AMBRA1: variants seen among roughly 807,000 people sequenced by gnomAD.
AMBRA1 encodes the protein autophagy and beclin 1 regulator 1.
In AMBRA1, 47 loss-of-function variants were observed where a neutral mutation model predicts 125.4. The observed-to-expected ratio is 0.37, with a 90% CI of 0.30 to 0.48. The LOEUF (loss-of-function observed/expected upper bound fraction) is 0.48, where lower values mean the gene tolerates loss of function less well. Ranked by LOEUF, AMBRA1 falls within the 20% of genes least tolerant of loss-of-function variation. The pLI, the probability that AMBRA1 is intolerant of heterozygous loss-of-function variation, is 0.99. For missense variants in AMBRA1, 1,331 were observed against 1,693.4 expected (o/e 0.79, Z 3.76); for synonymous variants, 626 against 655.5 (o/e 0.95, Z 0.69).
At chr11:46,567,860 T>C (rs868090316) in intron 1 of AMBRA1, among the ~76,000 whole-genome samples, 1 of 151,934 alleles carries the variant, frequency 6.6e-6, no homozygotes, top group African/African-American at 2.4e-5. Flanking sequence ...TTGAAAAACC[T>C]AGCTGGGGCT....
chr11:46,485,605 C>T (rs977078368), intron 11 of AMBRA1, among the ~76,000 whole-genome samples: 2 of 152,056 alleles, frequency 1.3e-5, no homozygotes, highest in Non-Finnish European at 2.9e-5. Flanking sequence ...TTTGTAATAC[C>T]CAAAGTGTTC....
intron 8 of AMBRA1, 149 bp from the exon 9 acceptor site, chr11:46,508,519 G>T: frequency 1.3e-6 from 1 of 756,054 alleles, no homozygotes; most frequent in Non-Finnish European, 2.1e-6. Flanking sequence ...CAACTCACCA[G>T]GAGGTTTGCA....
chr11:46,507,998 C>T (rs1203797664), intron 9 of AMBRA1, among the ~76,000 whole-genome samples, 193 bp downstream of exon 9: 1 of 152,228 alleles, frequency 6.6e-6, no homozygotes, highest in Non-Finnish European at 1.5e-5. Flanking sequence ...AGTGAATCAG[C>T]AAAGCAACTG....
intron 9 of AMBRA1, among the ~76,000 whole-genome samples, chr11:46,497,229 G>A (rs1321499402): frequency 6.6e-6 from 1 of 152,166 alleles, no homozygotes; most frequent in African/African-American, 2.4e-5. Flanking sequence ...GGAAAAGAGA[G>A]GGTGCAAAAT....
chr11:46,545,087 G>T lies in AMBRA1; in HGVS notation c.551+517C>A, dbSNP rs552861276. Among the ~76,000 whole-genome samples, 17 of 141,140 alleles carry T rather than the reference G, an allele frequency of 1.2e-4. No individual in the cohort carries two copies. In the South Asian group the frequency reaches 2.9e-3, roughly 24 times the overall value. The allele number at this position is 141,140 out of a possible 152,430, so 92.6% of individuals were successfully genotyped here. On this transcript the variant is annotated intron_variant, in intron 5 of 17. Coordinates refer to ENST00000683756, the MANE Select transcript of AMBRA1 (RefSeq NM_001387011.1). ...GGCTGCAGTAACTTGGGCCCATGAGGTCATGACTGCACAACTGTACTCCAG... is the reference window on the plus strand; with the variant it reads ...GGCTGCAGTAACTTGGGCCCATGAGTTCATGACTGCACAACTGTACTCCAG...
chr11:46,570,731 G>C (rs1050832588), intron 1 of AMBRA1, among the ~76,000 whole-genome samples: 2 of 151,848 alleles, frequency 1.3e-5, no homozygotes, highest in Non-Finnish European at 2.9e-5. Context: ...CCCTTTATCA[G>C]GTTTTTCTAT....
chr11:46,522,314 A>C (rs1396010776), intron 7 of AMBRA1, among the ~76,000 whole-genome samples: 2 of 152,238 alleles, frequency 1.3e-5, no homozygotes, highest in African/African-American at 4.8e-5. Context: ...TATAGTTGTA[A>C]GACTTGAATG....
intron 17 of AMBRA1, among the ~76,000 whole-genome samples, chr11:46,401,829 G>C (rs1035295688): frequency 6.6e-6 from 1 of 152,164 alleles, no homozygotes; most frequent in Admixed American, 6.6e-5. Context: ...CTGCTGACTT[G>C]AGCTCTGGTT....
At chr11:46,532,500 G>A (rs745498029) in intron 7 of AMBRA1, among the ~76,000 whole-genome samples, 10 of 152,172 alleles carry the variant, frequency 6.6e-5, no homozygotes, top group African/African-American at 1.2e-4. Flanking sequence ...GCAGTGGTGC[G>A]ATCTCAGCTC....
chr11:46,444,467 C>T (rs576026019), intron 11 of AMBRA1, among the ~76,000 whole-genome samples: 1 of 152,302 alleles, frequency 6.6e-6, no homozygotes, highest in East Asian at 1.9e-4. Context: ...CCTCCTCCTT[C>T]TGAGGTGCAT....
At chr11:46,508,467 G>T in intron 8 of AMBRA1, 97 bp from the exon 9 acceptor site, 2 of 1,259,018 alleles carry the variant, frequency 1.6e-6, no homozygotes, top group Non-Finnish European at 2.2e-6. Context: ...TCTCCCTGCT[G>T]AGGTGAACTC....
At chr11:46,415,251 T>C (rs1379292479) in intron 15 of AMBRA1, among the ~76,000 whole-genome samples, 7 of 152,230 alleles carry the variant, frequency 4.6e-5, no homozygotes, top group Non-Finnish European at 1.5e-5. Context: ...TCAAAAGACA[T>C]GAATGCGCTC....
At position 46,542,833 on chromosome 11, in the gene AMBRA1, A is replaced by G. The variant is rs1386429264; in HGVS notation, c.1184T>C (p.Leu395Ser). The change falls in exon 7 of 18, where the codon TTG becomes TCG. Residue 395 changes from leucine to serine, a missense_variant. Leu to Ser is a moderately radical substitution (Grantham distance 145). Around this residue, in one of 4 missense-constraint regions of AMBRA1, gnomAD observed 689 missense variants for 776.5 expected, o/e 0.89. Coordinates refer to ENST00000683756, the MANE Select transcript of AMBRA1 (RefSeq NM_001387011.1). The surrounding 1 kb of genome is among the most constrained non-coding windows in gnomAD (Gnocchi z 5.9). ...NLSLGPTRRS[L>S]GGPLSSHPSR... is the part of the protein sequence containing the mutation. Reference sequence around the variant, plus strand: ...AGGGTGGCTAGACAGAGGCCCTCCCAAAGAGCGGCGGGTAGGACCCAGACT... The same window carrying G: ...AGGGTGGCTAGACAGAGGCCCTCCCGAAGAGCGGCGGGTAGGACCCAGACT... 3 of 1,614,006 alleles carry G rather than the reference A, an allele frequency of 1.9e-6. No homozygotes were observed. Among genetic ancestry groups the G allele is most frequent in the Non-Finnish European group, 2.5e-6 (3 of 1,180,006 alleles).
intron 8 of AMBRA1, among the ~76,000 whole-genome samples, chr11:46,512,498 G>A (rs371776782): frequency 6.6e-5 from 10 of 152,228 alleles, no homozygotes; most frequent in East Asian, 3.9e-4. Flanking sequence ...CCACACTTGC[G>A]GAAATGAGTC....
intron 11 of AMBRA1, among the ~76,000 whole-genome samples, chr11:46,483,925 G>A (rs887548037): frequency 6.6e-6 from 1 of 152,020 alleles, no homozygotes; most frequent in African/African-American, 2.4e-5. Flanking sequence ...AGGAGGTAGG[G>A]GGTTAGTTAG....
chr11:46,538,086 G>C (rs1201978429), intron 7 of AMBRA1, among the ~76,000 whole-genome samples: 1 of 152,204 alleles, frequency 6.6e-6, no homozygotes, highest in Non-Finnish European at 1.5e-5. Context: ...AGAAGGCAGA[G>C]GAAGAGGCAG....
chr11:46,531,472 G>A (rs1162792415), intron 7 of AMBRA1, among the ~76,000 whole-genome samples: 1 of 152,074 alleles, frequency 6.6e-6, no homozygotes, highest in African/African-American at 2.4e-5. Flanking sequence ...CACTTTGGGA[G>A]GCCAAGGTGG....
At chr11:46,479,253 T>C (rs1343580850) in intron 11 of AMBRA1, among the ~76,000 whole-genome samples, 1 of 151,992 alleles carries the variant, frequency 6.6e-6, no homozygotes, top group Non-Finnish European at 1.5e-5. Context: ...GCAGGCTACC[T>C]CAGATTTCAA....
At chr11:46,592,849 A>G (rs1223710957) in intron 1 of AMBRA1, among the ~76,000 whole-genome samples, 2 of 152,180 alleles carry the variant, frequency 1.3e-5, no homozygotes, top group Admixed American at 6.5e-5. Flanking sequence ...GTTTGCCTTC[A>G]AAGTCTTGAC....
Sources: gnomAD v4.1 joint callset for allele counts (sites outside exome capture counted in the v4.1 genomes callset) on GRCh38, gnomAD v4.1.1 for gene constraint, gnomAD v4.1.1 regional missense constraint, Gnocchi (gnomAD v3.1) non-coding constraint, MANE v1.5 for transcripts, NCBI Gene and HGNC (gene_info 2026-07-23, HGNC 2026-07-21) for gene names.